The following CFAP92 variants were observed in gnomAD, a reference collection of about 807,000 sequenced individuals.
CFAP92 encodes cilia and flagella associated protein 92 (putative).
Under a neutral mutation model 106.3 loss-of-function variants are expected in CFAP92, and 86 were observed. The ratio of observed to expected loss-of-function variants is 0.81; its 90% CI spans 0.68 to 0.97. CFAP92 has a LOEUF of 0.97. Ranked by LOEUF, CFAP92 falls within the 50% of genes least tolerant of loss-of-function variation. The pLI, the probability that CFAP92 is intolerant of heterozygous loss-of-function variation, is 0.00. For synonymous variants in CFAP92, 477 were observed against 506.4 expected (o/e 0.94, Z 0.78); for missense variants, 1,204 against 1,283.8 (o/e 0.94, Z 0.95).
chr3:128,915,685 T>C, intron 13 of CFAP92, 122 bp from the exon 14 acceptor site: 2 of 685,098 alleles, frequency 2.9e-6, no homozygotes, highest in South Asian at 2.0e-5. Flanking sequence ...AAATAGTGCA[T>C]TGAGAGGAAA....
chr3:128,918,478 A>G (rs1190773186), intron 12 of CFAP92, among the ~76,000 whole-genome samples: 1 of 152,156 alleles, frequency 6.6e-6, no homozygotes, highest in Non-Finnish European at 1.5e-5. Context: ...GTCTCAAAAA[A>G]ACAAAACAAA....
In CFAP92 at chr3:128,916,129, T is replaced by C; in HGVS notation, c.2894A>G (p.Glu965Gly). 8.1e-7 allele frequency: 1 copy of C among 1,232,212 alleles called. No homozygotes were observed. The highest frequency in any genetic ancestry group is 1.0e-6 in the Non-Finnish European group (1 of 988,034). The allele number at this position is 1,232,212 out of a possible 1,614,324, so 76.3% of individuals were successfully genotyped here. A position where few individuals can be genotyped will look rare whatever the true frequency, so the allele number is the denominator to read the frequency against. ...CACCTTGGCTATCTCTTGATACAGC[T>C]CCTTCTTGGCAAGCTCTGTAGAATT... Reference protein sequence around the residue: ...TMNSTELAKKELYQEIAKEPR... With the variant: ...TMNSTELAKKGLYQEIAKEPR... Residue 965 changes from glutamate (E) to glycine (G), a missense_variant, in exon 13 of 16, where the codon GAG becomes GGG. Transcript: ENST00000645291.
At chr3:128,957,181 A>G (rs962646306) in intron 9 of CFAP92, among the ~76,000 whole-genome samples, 42 of 152,230 alleles carry the variant, frequency 2.8e-4, no homozygotes, top group African/African-American at 1.0e-3. Context: ...AAGTCTTGGA[A>G]CATTAGAAAG....
intron 11 of CFAP92, among the ~76,000 whole-genome samples, chr3:128,934,298 C>T (rs1277610224): frequency 1.3e-5 from 2 of 152,236 alleles, no homozygotes; most frequent in African/African-American, 2.4e-5. Flanking sequence ...CGGCTCACTG[C>T]AACCTCCACC....
At chr3:128,912,712 C>A in intron 15 of CFAP92, 1 of 1,077,720 alleles carries the variant, frequency 9.3e-7, no homozygotes, top group Non-Finnish European at 1.4e-6. Flanking sequence ...ACAGGTTAAG[C>A]CTTTTGTTCC....
At chr3:128,917,710 A>T (rs1936933507) in intron 12 of CFAP92, among the ~76,000 whole-genome samples, 1 of 152,250 alleles carries the variant, frequency 6.6e-6, no homozygotes, top group Admixed American at 6.5e-5. Context: ...GTTGAAATAG[A>T]AGACAAGAGA....
chr3:128,998,316 A>ATT (rs1313745198), upstream of CFAP92, among the ~76,000 whole-genome samples: 1 of 152,140 alleles, frequency 6.6e-6, no homozygotes, highest in Non-Finnish European at 1.5e-5. Flanking sequence ...CCGATTCATC[A>ATT]TTTTTTTCTT....
At chr3:128,956,196 T>TAAAAAAAAAAAAAAAA (rs577724635) in intron 9 of CFAP92, among the ~76,000 whole-genome samples, 6 of 61,712 alleles carry the variant, frequency 9.7e-5, no homozygotes, top group Admixed American at 1.5e-4. Context: ...AAAAAAAAAA[T>TAAAAAAAAAAAAAAAA]AAAAAAAAAA....
At chr3:129,005,560 G>A (rs1945036298), upstream of CFAP92, among the ~76,000 whole-genome samples, 1 of 152,258 alleles carries the variant, frequency 6.6e-6, no homozygotes, top group African/African-American at 2.4e-5. Flanking sequence ...AAGTTACCCT[G>A]GCTACAATGT....
intron 9 of CFAP92, among the ~76,000 whole-genome samples, chr3:128,953,681 T>C (rs1941078098): frequency 7.7e-6 from 1 of 129,230 alleles, no homozygotes; most frequent in Non-Finnish European, 1.6e-5. Flanking sequence ...AGCTGGACTG[T>C]ACTGCTGCCA....
chr3:128,984,481 A>C (rs895790521), intron 4 of CFAP92, among the ~76,000 whole-genome samples: 21 of 152,032 alleles, frequency 1.4e-4, no homozygotes, highest in Admixed American at 1.4e-3. Context: ...TCAGCCTCCA[A>C]GTTCTTCAAC....
intron 11 of CFAP92, among the ~76,000 whole-genome samples, chr3:128,933,561 C>G (rs899428980): frequency 1.3e-5 from 2 of 152,218 alleles, no homozygotes; most frequent in South Asian, 4.1e-4. Flanking sequence ...CAGCTGCCTC[C>G]GAAGTCCACT....
upstream of CFAP92, among the ~76,000 whole-genome samples, chr3:129,007,582 G>T (rs75727104): frequency 6.6e-6 from 1 of 152,180 alleles, no homozygotes; most frequent in Non-Finnish European, 1.5e-5. Flanking sequence ...ACTGACTCAC[G>T]CTGATCTTCT....
chr3:128,931,463 A>ATG (rs1182449672), intron 12 of CFAP92, among the ~76,000 whole-genome samples: 1 of 120,174 alleles, frequency 8.3e-6, no homozygotes, highest in African/African-American at 4.3e-5. Context: ...GTATATATAT[A>ATG]TACACATACA....
At chr3:129,011,698 C>T in the CFAP92 span, among the ~76,000 whole-genome samples, 4 of 152,058 alleles carry the variant, frequency 2.6e-5, no homozygotes, top group African/African-American at 7.2e-5. Flanking sequence ...GTCGAGGTGG[C>T]TGATCAGTGG....
At chr3:128,939,011 T>A (rs1469482358) in intron 10 of CFAP92, among the ~76,000 whole-genome samples, 1 of 152,330 alleles carries the variant, frequency 6.6e-6, no homozygotes, top group East Asian at 1.9e-4. Context: ...TCACGTCTAT[T>A]TTCAGATATA....
chr3:128,958,538 G>A (rs760141986), intron 9 of CFAP92, among the ~76,000 whole-genome samples: 16 of 152,156 alleles, frequency 1.1e-4, no homozygotes, highest in Non-Finnish European at 1.9e-4. Context: ...GCAACTTTCC[G>A]TGAATCTATA....
At chr3:128,973,659 G>GAA (rs34115052) in intron 7 of CFAP92, among the ~76,000 whole-genome samples, 14 of 126,740 alleles carry the variant, frequency 1.1e-4, no homozygotes, top group Admixed American at 1.6e-4. Flanking sequence ...TCTGTCTCAA[G>GAA]AAAAAAAAAA....
chr3:128,974,341 C>T (rs1364503160), intron 7 of CFAP92, among the ~76,000 whole-genome samples: 1 of 152,212 alleles, frequency 6.6e-6, no homozygotes, highest in Non-Finnish European at 1.5e-5. Context: ...TCTAGATTTT[C>T]CCACCTCACA....
Sources: allele counts gnomAD v4.1 joint callset (sites outside exome capture counted in the v4.1 genomes callset), GRCh38; gene constraint gnomAD v4.1.1; transcripts MANE v1.5; gene names NCBI Gene and HGNC (gene_info 2026-07-23, HGNC 2026-07-21).